POLR3H: variants seen among roughly 807,000 people sequenced by gnomAD.
POLR3H encodes the protein RNA polymerase III subunit H.
A neutral mutation model predicts 25.5 loss-of-function variants in POLR3H; 17 were observed. That is an observed-to-expected ratio of 0.67 (90% CI 0.46 to 1.00). The LOEUF (loss-of-function observed/expected upper bound fraction) is 1.00, where lower values mean the gene tolerates loss of function less well. POLR3H is among the 50% of genes least tolerant of loss of function. POLR3H has a pLI of 0.00. For synonymous variants in POLR3H, 129 were observed against 103.0 expected (o/e 1.25, Z -1.53); for missense variants, 274 against 265.0 (o/e 1.03, Z -0.24).
Position 41,527,235 on chromosome 22 carries a change from G to C in POLR3H, c.*2048C>G. On this transcript the variant is annotated 3_prime_UTR_variant, in exon 6 of 6. Coordinates refer to ENST00000355209, the MANE Select transcript of POLR3H (RefSeq NM_001018050.4). Reference sequence around the variant, plus strand: ...AGGCCAGGCAGGTAGGGCCAGACAGGTGAGGACGGTGCCCTCCTCTGCCTT... The same window carrying C: ...AGGCCAGGCAGGTAGGGCCAGACAGCTGAGGACGGTGCCCTCCTCTGCCTT... The C allele has an allele frequency of 6.2e-7, 1 of 1,613,576 alleles. No individual in the cohort carries two copies. Among genetic ancestry groups the C allele is most frequent in the Non-Finnish European group, 8.5e-7 (1 of 1,179,790 alleles).
chr22:41,532,110 G>A lies in POLR3H; in HGVS notation c.343C>T (p.Gln115Ter). ...DDILIPPESL[Q>*]QPAKFDEAEQ... ...GGAGGATACAACTTGGCTGGCTGCTGCAGTGACTCTGGGGGGATGAGAATG... is the reference window on the plus strand; with the variant it reads ...GGAGGATACAACTTGGCTGGCTGCTACAGTGACTCTGGGGGGATGAGAATG... Residue 115 changes from glutamine to a stop codon, truncating the protein, a stop_gained, in exon 4 of 6, where the codon CAG becomes TAG. Coordinates refer to ENST00000355209, the MANE Select transcript of POLR3H (RefSeq NM_001018050.4). LOFTEE classifies it high-confidence loss of function. The A allele has an allele frequency of 6.2e-7, 1 of 1,614,094 alleles. No homozygotes were observed. The highest frequency in any genetic ancestry group is 1.7e-5 in the Admixed American group (1 of 60,024).
upstream of POLR3H, chr22:41,544,566 G>A (rs1263006343): frequency 6.5e-6 from 1 of 153,492 alleles, no homozygotes; most frequent in Non-Finnish European, 1.4e-5. Flanking sequence ...GGCTGCCTGT[G>A]TGCTCGCGCA....
At position 41,528,827 on chromosome 22, in the gene POLR3H, C is replaced by T; in HGVS notation, c.*456G>A. 1 of 641,838 alleles carries T rather than the reference C, an allele frequency of 1.6e-6. No homozygotes were observed. Among genetic ancestry groups the T allele is most frequent in the Non-Finnish European group, 2.6e-6 (1 of 385,656 alleles). The allele number at this position is 641,838 out of a possible 1,614,324, so 39.8% of individuals were successfully genotyped here. ...CCGTCTTCCTATTTTGAGTTTGGTT[C>T]AGATCTTAAGCAGCTCCATGCAACT... On this transcript the variant is annotated 3_prime_UTR_variant, in exon 6 of 6. Transcript: ENST00000355209.
Position 41,530,742 on chromosome 22 carries a change from T to C in POLR3H, c.506A>G (p.Asp169Gly). Residue 169 changes from aspartate to glycine, a missense_variant, in exon 5 of 6, where the codon GAT becomes GGT. Asp to Gly is a moderately conservative substitution (Grantham distance 94, BLOSUM62 -1). Coordinates refer to ENST00000355209, the MANE Select transcript of POLR3H (RefSeq NM_001018050.4). The stretch of plus-strand genomic sequence containing the variant: ...CAGCTCCTCACTGGAAGTGGTGGCA[T>C]CTGCTGAGCTGGGCCCTGTGGGGGA... ...DTSPTGPSSA[D>G]ATTSSEELPK... The C allele has an allele frequency of 6.2e-7, 1 of 1,613,938 alleles. No homozygotes were observed. The highest frequency in any genetic ancestry group is 8.5e-7 in the Non-Finnish European group (1 of 1,180,024).
intron 3 of POLR3H, 118 bp from the exon 4 acceptor site, chr22:41,532,275 G>A (rs1601949218): frequency 2.1e-5 from 21 of 1,004,760 alleles, no homozygotes; most frequent in Non-Finnish European, 2.9e-5. Context: ...GGCGGATGTC[G>A]CTGTGGAAAC....
intron 1 of POLR3H, 182 bp downstream of exon 1, chr22:41,543,809 T>C: frequency 1.4e-6 from 1 of 700,512 alleles, no homozygotes; most frequent in Non-Finnish European, 2.7e-6. Flanking sequence ...TACAACTCCC[T>C]TTTTCAAGCC....
chr22:41,528,420 G>A lies in POLR3H; in HGVS notation c.*863C>T. 3.1e-6 allele frequency: 5 copies of A among 1,587,336 alleles called. No individual in the cohort carries two copies. The highest frequency in any genetic ancestry group is 3.4e-6 in the Non-Finnish European group (4 of 1,167,786). ...AGTGCCCTGTCTCCCTGACCCCCCT[G>A]CGGGGCCAAGGGCACACAGTACCCA... On this transcript the variant is annotated 3_prime_UTR_variant, in exon 6 of 6. Coordinates refer to ENST00000355209, the MANE Select transcript of POLR3H (RefSeq NM_001018050.4).
At chr22:41,537,953 C>G (rs1281034556) in intron 2 of POLR3H, among the ~76,000 whole-genome samples, 1 of 150,840 alleles carries the variant, frequency 6.6e-6, no homozygotes, top group Admixed American at 6.6e-5. Context: ...TGTACACCAC[C>G]AGACCTGGCT....
intron 1 of POLR3H, 166 bp downstream of exon 1, chr22:41,543,825 T>C (rs1361120251): frequency 1.4e-6 from 1 of 710,326 alleles, no homozygotes; most frequent in East Asian, 2.7e-5. Flanking sequence ...AAGCCCATTT[T>C]CTTTTGATCC....
chr22:41,532,575 C>G, intron 3 of POLR3H, 84 bp downstream of exon 3: 1 of 1,607,904 alleles, frequency 6.2e-7, no homozygotes, highest in Non-Finnish European at 8.5e-7. Flanking sequence ...CACCTGAGCC[C>G]TCCCCTGACC....
chr22:41,540,589 C>T (rs1341541693), intron 2 of POLR3H, 110 bp downstream of exon 2: 14 of 821,354 alleles, frequency 1.7e-5, no homozygotes, highest in African/African-American at 3.4e-5. Context: ...GAGATCCTTC[C>T]GCCCTCAGCC....
chr22:41,529,861 T>G (rs1364861131), intron 5 of POLR3H, among the ~76,000 whole-genome samples: 2 of 151,718 alleles, frequency 1.3e-5, no homozygotes, highest in Non-Finnish European at 2.9e-5. Flanking sequence ...GTTCACACCA[T>G]TCTCCTGCCT....
chr22:41,526,536 G>A lies in POLR3H; in HGVS notation c.*2747C>T. The A allele has an allele frequency of 1.4e-6, 2 of 1,469,492 alleles. No homozygotes were observed. The highest frequency in any genetic ancestry group is 2.7e-5 in the South Asian group (2 of 74,400). 91.0% of individuals were successfully genotyped at this position (1,469,492 alleles called of 1,614,324 possible). On this transcript the variant is annotated 3_prime_UTR_variant, in exon 6 of 6. Coordinates refer to ENST00000355209, the MANE Select transcript of POLR3H (RefSeq NM_001018050.4). ...CAGGTGCAGGGAGGACATTAGGGGA[G>A]TGGAAACTGGGAAGGAGGCCGACCA... is the stretch of plus-strand genomic sequence containing the variant.
rs560915009 is a variant in POLR3H at position 41,526,573 on chromosome 22, G to T, written c.*2710C>A. ...AAGGAGGCCGACCAAGCCCAAAGGG[G>T]ACTGCTGTGGAAGGGAGGAGAGGCC... On this transcript the variant is annotated 3_prime_UTR_variant, in exon 6 of 6. Coordinates refer to ENST00000355209, the MANE Select transcript of POLR3H (RefSeq NM_001018050.4). 2 of 1,159,118 alleles carry T rather than the reference G, an allele frequency of 1.7e-6. No homozygotes were observed. The highest frequency in any genetic ancestry group is 3.2e-5 in the South Asian group (2 of 62,874). 71.8% of individuals were successfully genotyped at this position (1,159,118 alleles called of 1,614,324 possible).
At position 41,540,887 on chromosome 22, in the gene POLR3H, C is replaced by A. The variant is rs979162311; in HGVS notation, c.112-92G>T. 5 of 901,602 alleles carry A rather than the reference C, an allele frequency of 5.5e-6. No homozygotes were observed. The Admixed American group carries it at 9.9e-5, about 18-fold the overall frequency. 55.9% of individuals were successfully genotyped at this position (901,602 alleles called of 1,614,324 possible). On this transcript the variant is annotated intron_variant, in intron 1 of 5. Coordinates refer to ENST00000355209, the MANE Select transcript of POLR3H (RefSeq NM_001018050.4). Reference sequence around the variant, plus strand: ...AGGCAATCTGAGCCCCTCACAACCACAAGCAAGCCATGATTATCTCCTTTT... The same window carrying A: ...AGGCAATCTGAGCCCCTCACAACCAAAAGCAAGCCATGATTATCTCCTTTT...
At position 41,526,459 on chromosome 22, in the gene POLR3H, T is replaced by TCAGAGTTGATAGGGGCAATGCCAG; in HGVS notation, c.*2800_*2823dup. ...ACACTGCCCGCTACTACAAGGTGGG[T>TCAGAGTTGATAGGGGCAATGCCAG]CAGAGTTGATAGGGGCAATGCCAGT... On this transcript the variant is annotated 3_prime_UTR_variant, in exon 6 of 6. Coordinates refer to ENST00000355209, the MANE Select transcript of POLR3H (RefSeq NM_001018050.4). The TCAGAGTTGATAGGGGCAATGCCAG allele has an allele frequency of 1.2e-6, 2 of 1,608,842 alleles. No individual in the cohort carries two copies. Among genetic ancestry groups the TCAGAGTTGATAGGGGCAATGCCAG allele is most frequent in the Non-Finnish European group, 1.7e-6 (2 of 1,176,606 alleles).
intron 1 of POLR3H, among the ~76,000 whole-genome samples, chr22:41,541,662 TAGA>T (rs1428183373): frequency 6.6e-6 from 1 of 152,220 alleles, no homozygotes; most frequent in African/African-American, 2.4e-5. Context: ...AATCAAATAC[TAGA>T]AGACTTGTCC....
intron 2 of POLR3H, among the ~76,000 whole-genome samples, chr22:41,536,880 AAAAAAGGCTTTAAAAAAAAAAAGGTGGG>A (rs1380478181): frequency 2.0e-5 from 3 of 151,834 alleles, no homozygotes; most frequent in Non-Finnish European, 4.4e-5. Context: ...AAAAAAAAAA[AAAAAAGGCTTTAAAAAAAAAAAGGTGGG>A]GGGTGTCTCT....
rs775489650 is a variant in POLR3H at position 41,526,400 on chromosome 22, A to G, written c.*2883T>C. On this transcript the variant is annotated 3_prime_UTR_variant, in exon 6 of 6. Transcript: ENST00000355209. ...AAACGGCAAGGCCAACTCCGTGCGC[A>G]ATGCCGTCACTCAGGAGTTTGGCCC... 1 of 1,613,928 alleles carries G rather than the reference A, an allele frequency of 6.2e-7. No individual in the cohort carries two copies. Among genetic ancestry groups the G allele is most frequent in the South Asian group, 1.1e-5 (1 of 91,066 alleles).
Sources: allele counts gnomAD v4.1 joint callset (sites outside exome capture counted in the v4.1 genomes callset), GRCh38; gene constraint gnomAD v4.1.1; transcripts MANE v1.5; gene names NCBI Gene and HGNC (gene_info 2026-07-23, HGNC 2026-07-21).